The following CNTN6 variants were observed in gnomAD, a reference collection of about 807,000 sequenced individuals.
The protein encoded by CNTN6 is contactin-6.
A neutral mutation model predicts 122.8 loss-of-function variants in CNTN6; 137 were observed. That is an observed-to-expected ratio of 1.12 (90% CI 0.97 to 1.29). The LOEUF (loss-of-function observed/expected upper bound fraction) is 1.29. Ranked by LOEUF, CNTN6 falls within the 50% of genes most tolerant of loss-of-function variation. The pLI, the probability that CNTN6 is intolerant of heterozygous loss-of-function variation, is 0.00. For synonymous variants in CNTN6, 570 were observed against 426.0 expected, an observed-to-expected ratio of 1.34 and a Z score of -4.16; for missense variants, 1,634 against 1,223.4, an observed-to-expected ratio of 1.34 and a Z score of -5.01.
intron 2 of CNTN6, among the ~76,000 whole-genome samples, chr3:1,174,351 G>C (rs2093411630): frequency 6.6e-6 from 1 of 152,152 alleles, no homozygotes; most frequent in Non-Finnish European, 1.5e-5. Flanking sequence ...TGTCCTCTGA[G>C]AGGTCACGTT....
At chr3:1,336,229 G>A (rs1703045499) in intron 11 of CNTN6, among the ~76,000 whole-genome samples, 1 of 151,868 alleles carries the variant, frequency 6.6e-6, no homozygotes, top group Non-Finnish European at 1.5e-5. Context: ...TAATAATGAT[G>A]ATAACCACTT....
intron 1 of CNTN6, among the ~76,000 whole-genome samples, chr3:1,122,542 A>G (rs1409048021): frequency 6.7e-6 from 1 of 150,116 alleles, no homozygotes; most frequent in Non-Finnish European, 1.5e-5. Context: ...ATCCTCTTGG[A>G]AAACATTTGC....
chr3:1,212,874 T>A (rs1230526138), intron 2 of CNTN6, among the ~76,000 whole-genome samples: 1 of 152,086 alleles, frequency 6.6e-6, no homozygotes, highest in Non-Finnish European at 1.5e-5. Context: ...TAGTTGAAAC[T>A]AGACTTTTTA....
At chr3:1,221,956 G>A (rs1440129246) in intron 3 of CNTN6, among the ~76,000 whole-genome samples, 2 of 152,120 alleles carry the variant, frequency 1.3e-5, no homozygotes, top group East Asian at 1.9e-4. Context: ...CACTCTTGAT[G>A]TGCATAGTTA....
chr3:1,290,056 T>G (rs1317267577), intron 5 of CNTN6, among the ~76,000 whole-genome samples: 1 of 152,190 alleles, frequency 6.6e-6, no homozygotes, highest in Non-Finnish European at 1.5e-5. Flanking sequence ...TTGTTAGCAA[T>G]GCAGATTTCC....
chr3:1,278,816 A>G (rs960552352), intron 5 of CNTN6, among the ~76,000 whole-genome samples: 13 of 152,166 alleles, frequency 8.5e-5, no homozygotes, highest in Non-Finnish European at 1.5e-4. Flanking sequence ...GGCAAACTTC[A>G]TGACAAGGGG....
chr3:1,388,298 GCACACTGA>G (rs1693464241), intron 20 of CNTN6, among the ~76,000 whole-genome samples: 3 of 141,896 alleles, frequency 2.1e-5, no homozygotes, highest in Admixed American at 1.5e-4. Context: ...CCCAGCAGGG[GCACACTGA>G]CACCTCACAC....
intron 1 of CNTN6, among the ~76,000 whole-genome samples, chr3:1,122,730 C>T (rs772938250): frequency 2.6e-5 from 4 of 151,836 alleles, no homozygotes; most frequent in Non-Finnish European, 5.9e-5. Flanking sequence ...GCTTCTTTCA[C>T]TTAGTATAAT....
intron 12 of CNTN6, among the ~76,000 whole-genome samples, chr3:1,352,775 T>G (rs1705861823): frequency 6.6e-6 from 1 of 151,808 alleles, no homozygotes; most frequent in African/African-American, 2.4e-5. Flanking sequence ...GGATAACATT[T>G]TTTTGGTCAA....
intron 1 of CNTN6, among the ~76,000 whole-genome samples, chr3:1,110,584 T>C (rs2091435001): frequency 6.6e-6 from 1 of 152,090 alleles, no homozygotes; most frequent in South Asian, 2.1e-4. Context: ...AGACGAAGCT[T>C]GAAGGAAGGT....
In CNTN6 at chr3:1,353,314, A is replaced by G. The variant is rs986762054; in HGVS notation, c.1492+863A>G. On this transcript the variant is annotated intron_variant, in intron 12 of 22. Coordinates refer to ENST00000446702, the MANE Select transcript of CNTN6 (RefSeq NM_001289080.2). ...TCATCTTTTCCATTAAAATAAATAT[A>G]TTCAATAAAAAGTAGTTAGCTGCTA... 9.2e-5 allele frequency among the ~76,000 whole-genome samples: 14 copies of G among 151,714 alleles called. 1 individual carries two copies. Among genetic ancestry groups the G allele is most frequent in the Admixed American group, 8.6e-4 (13 of 15,154 alleles).
chr3:1,350,334 A>C (rs1705432100), intron 11 of CNTN6, among the ~76,000 whole-genome samples: 1 of 151,872 alleles, frequency 6.6e-6, no homozygotes, highest in African/African-American at 2.4e-5. Flanking sequence ...AACATGCAGA[A>C]TTATTTTACT....
chr3:1,286,811 A>G (rs2125828224), intron 5 of CNTN6, among the ~76,000 whole-genome samples: 1 of 152,264 alleles, frequency 6.6e-6, no homozygotes, highest in Non-Finnish European at 1.5e-5. Context: ...ACATGCAAAG[A>G]CACATAGGAG....
chr3:1,131,528 A>G (rs930593540), intron 1 of CNTN6, among the ~76,000 whole-genome samples: 2 of 152,114 alleles, frequency 1.3e-5, no homozygotes, highest in Admixed American at 1.3e-4. Flanking sequence ...TTGGGAGTGA[A>G]TAAAGTGTTC....
chr3:1,381,931 C>T (rs200238158), intron 17 of CNTN6, among the ~76,000 whole-genome samples: 9 of 147,266 alleles, frequency 6.1e-5, no homozygotes, highest in South Asian at 2.2e-4. Context: ...GTGGTTCTGG[C>T]GCTCGTGAAT....
chr3:1,289,874 C>T (rs1451956084), intron 5 of CNTN6, among the ~76,000 whole-genome samples: 2 of 152,112 alleles, frequency 1.3e-5, no homozygotes, highest in South Asian at 2.1e-4. Context: ...CGGGGTTTCA[C>T]CGTGTTAGCC....
chr3:1,337,314 C>T (rs1007484595), intron 11 of CNTN6, among the ~76,000 whole-genome samples: 2 of 152,092 alleles, frequency 1.3e-5, no homozygotes, highest in African/African-American at 2.4e-5. Flanking sequence ...TTATATGATT[C>T]TTCCTCCCTG....
At chr3:1,356,896 T>G (rs943347474) in intron 12 of CNTN6, among the ~76,000 whole-genome samples, 15 of 151,904 alleles carry the variant, frequency 9.9e-5, no homozygotes, top group Admixed American at 2.0e-4. Context: ...CGTGAATTAT[T>G]GAAACGTGAA....
At chr3:1,218,609 C>T (rs927279792) in intron 2 of CNTN6, among the ~76,000 whole-genome samples, 1 of 152,054 alleles carries the variant, frequency 6.6e-6, no homozygotes, top group African/African-American at 2.4e-5. Context: ...GGGAAGTGAG[C>T]AAATGCATAA....
Sources: allele counts gnomAD v4.1 joint callset (sites outside exome capture counted in the v4.1 genomes callset), GRCh38; gene constraint gnomAD v4.1.1; transcripts MANE v1.5; gene names NCBI Gene and HGNC (gene_info 2026-07-23, HGNC 2026-07-21).